The following JAKMIP3 variants were observed in gnomAD, a reference collection of about 807,000 sequenced individuals.
JAKMIP3 encodes the protein janus kinase and microtubule-interacting protein 3.
Under a neutral mutation model 118.5 loss-of-function variants are expected in JAKMIP3, and 58 were observed. The ratio of observed to expected loss-of-function variants is 0.49; its 90% CI spans 0.40 to 0.61. The LOEUF (loss-of-function observed/expected upper bound fraction) is 0.61, where lower values mean the gene tolerates loss of function less well. Ranked by LOEUF, JAKMIP3 falls within the 20% of genes least tolerant of loss-of-function variation. The probability of loss-of-function intolerance (pLI) is 0.00; values close to 1 mark genes in which losing one functional copy is unlikely to be tolerated. For missense variants in JAKMIP3, 950 were observed against 1,109.0 expected (o/e 0.86, Z 2.04); for synonymous variants, 486 against 451.2 (o/e 1.08, Z -0.98).
intron 8 of JAKMIP3, among the ~76,000 whole-genome samples, chr10:132,137,857 A>G (rs1243569780): frequency 6.6e-6 from 1 of 152,192 alleles, no homozygotes; most frequent in Admixed American, 6.5e-5. Flanking sequence ...CCCTGGACGC[A>G]TTTAGAAGGG....
At chr10:132,163,133 C>T (rs1243336849) in intron 19 of JAKMIP3, 76 bp from the exon 20 acceptor site, 41 of 1,386,824 alleles carry the variant, frequency 3.0e-5, no homozygotes, top group Middle Eastern at 2.5e-4. Context: ...GAGGGTGGCC[C>T]GGCCTCCGTT....
At chr10:132,092,557 A>C (rs536850444) in intron 1 of JAKMIP3, among the ~76,000 whole-genome samples, 1 of 152,286 alleles carries the variant, frequency 6.6e-6, no homozygotes, top group East Asian at 1.9e-4. Context: ...AGTTGATCGA[A>C]TCGGCTACTG....
chr10:132,168,170 T>C lies in JAKMIP3; in HGVS notation c.*240T>C, dbSNP rs1251089321. 1 of 1,286,540 alleles carries C rather than the reference T, an allele frequency of 7.8e-7. No individual in the cohort carries two copies. The highest frequency in any genetic ancestry group is 5.6e-5 in the East Asian group (1 of 17,926). The allele number at this position is 1,286,540 out of a possible 1,614,324, so 79.7% of individuals were successfully genotyped here. ...GCTCTGCCGACTTCTCGGGGGCTTC[T>C]CCGGGACGGGCCTGGCCTTGGCTGC... On this transcript the variant is annotated 3_prime_UTR_variant, in exon 23 of 24. Coordinates refer to ENST00000684848, the MANE Select transcript of JAKMIP3 (RefSeq NM_001323087.2).
intron 1 of JAKMIP3, among the ~76,000 whole-genome samples, chr10:132,086,886 G>C (rs985774623): frequency 5.3e-5 from 8 of 152,164 alleles, no homozygotes; most frequent in African/African-American, 1.9e-4. Flanking sequence ...GCGAGGTGCT[G>C]TTTCATTCAT....
intron 9 of JAKMIP3, among the ~76,000 whole-genome samples, chr10:132,138,772 C>G (rs1272070484): frequency 6.6e-6 from 1 of 152,180 alleles, no homozygotes; most frequent in East Asian, 1.9e-4. Context: ...ATGCACGGCT[C>G]TGAGGACGGG....
At chr10:132,173,389 T>C (rs2059817869) in intron 23 of JAKMIP3, among the ~76,000 whole-genome samples, 1 of 151,258 alleles carries the variant, frequency 6.6e-6, no homozygotes, top group Non-Finnish European at 1.5e-5. Flanking sequence ...TACCTGCTCA[T>C]CTGTGCGGCC....
At chr10:132,166,199 G>A (rs2058882480) in intron 21 of JAKMIP3, among the ~76,000 whole-genome samples, 1 of 152,070 alleles carries the variant, frequency 6.6e-6, no homozygotes, top group African/African-American at 2.4e-5. Context: ...GGTGGCACGT[G>A]CCTATAATCT....
In JAKMIP3 at chr10:132,111,993, T is replaced by C. The variant is rs545310580; in HGVS notation, c.136-5084T>C. Among the ~76,000 whole-genome samples the C allele has an allele frequency of 4.7e-3, 713 of 151,766 alleles. 1 individual carries two copies. Among genetic ancestry groups the C allele is most frequent in the African/African-American group, 0.017 (684 of 41,374 alleles). ...GGGTGGATGGTGTGTGGAACTGCTC[T>C]GGGACACGGGGGAGAGGAGCCAGGA... On this transcript the variant is annotated intron_variant, in intron 2 of 23. Transcript: ENST00000684848.
intron 3 of JAKMIP3, among the ~76,000 whole-genome samples, chr10:132,124,917 G>C (rs566927199): frequency 6.6e-6 from 1 of 152,198 alleles, no homozygotes; most frequent in Non-Finnish European, 1.5e-5. Flanking sequence ...GAGGCTGGCC[G>C]TTCCACTGCC....
At chr10:132,064,445 G>A (rs779876820), upstream of JAKMIP3, among the ~76,000 whole-genome samples, 7 of 152,126 alleles carry the variant, frequency 4.6e-5, no homozygotes, top group African/African-American at 7.2e-5. The surrounding 1 kb of genome is among the most constrained non-coding windows in gnomAD (Gnocchi z 4.4). Flanking sequence ...ACCCCGAGCC[G>A]CCGGCATGGG....
At chr10:132,115,394 C>T (rs1796627262) in intron 2 of JAKMIP3, among the ~76,000 whole-genome samples, 1 of 152,232 alleles carries the variant, frequency 6.6e-6, no homozygotes, top group African/African-American at 2.4e-5. Context: ...CCACCAGCGG[C>T]CCAGAGGAGG....
intron 1 of JAKMIP3, among the ~76,000 whole-genome samples, chr10:132,081,216 T>C (rs893211621): frequency 9.2e-5 from 14 of 152,194 alleles, no homozygotes; most frequent in Non-Finnish European, 1.9e-4. Context: ...CATTTCCCCA[T>C]TGAGTAGTCT....
intron 1 of JAKMIP3, among the ~76,000 whole-genome samples, chr10:132,088,577 G>T (rs560194317): frequency 6.6e-6 from 1 of 152,180 alleles, no homozygotes; most frequent in Admixed American, 6.5e-5. Context: ...TTGTAAATTT[G>T]TTTGAGTTCT....
At chr10:132,143,228 G>A (rs1468393904) in intron 11 of JAKMIP3, among the ~76,000 whole-genome samples, 1 of 151,938 alleles carries the variant, frequency 6.6e-6, no homozygotes, top group Admixed American at 6.6e-5. Flanking sequence ...TTTAAATATC[G>A]CCTCTTTCAC....
chr10:132,110,308 G>A (rs371855929), intron 2 of JAKMIP3, among the ~76,000 whole-genome samples: 9 of 152,240 alleles, frequency 5.9e-5, no homozygotes, highest in South Asian at 2.1e-4. Flanking sequence ...AGGTGCTCCC[G>A]GGCTGCTGGT....
intron 23 of JAKMIP3, among the ~76,000 whole-genome samples, chr10:132,175,598 G>A (rs1214497437): frequency 6.6e-6 from 1 of 152,190 alleles, no homozygotes; most frequent in Admixed American, 6.5e-5. Context: ...CTCGAGGTGT[G>A]TTGATTAACT....
chr10:132,096,587 G>C (rs1343454999), intron 1 of JAKMIP3, among the ~76,000 whole-genome samples: 7 of 152,160 alleles, frequency 4.6e-5, no homozygotes, highest in Admixed American at 4.6e-4. Context: ...ACAGGTGCAA[G>C]ATTTTTTTCC....
chr10:132,069,039 C>T (rs1391160906), intron 1 of JAKMIP3, among the ~76,000 whole-genome samples: 1 of 152,128 alleles, frequency 6.6e-6, no homozygotes, highest in East Asian at 1.9e-4. Flanking sequence ...TCGAGGGGAG[C>T]GCCTTTAGCT....
intron 1 of JAKMIP3, among the ~76,000 whole-genome samples, chr10:132,100,318 C>T (rs989578379): frequency 3.9e-5 from 6 of 152,190 alleles, no homozygotes; most frequent in Non-Finnish European, 8.8e-5. Context: ...TGGCATGAGC[C>T]GGCTGGACCT....
Sources: allele counts gnomAD v4.1 joint callset (sites outside exome capture counted in the v4.1 genomes callset), GRCh38; gene constraint gnomAD v4.1.1; non-coding constraint Gnocchi (gnomAD v3.1); transcripts MANE v1.5; gene names NCBI Gene and HGNC (gene_info 2026-07-23, HGNC 2026-07-21).